The following RALGAPA2 variants were observed in gnomAD, a reference collection of about 807,000 sequenced individuals.
RALGAPA2 encodes the protein ral GTPase-activating protein subunit alpha-2.
A neutral mutation model predicts 230.4 loss-of-function variants in RALGAPA2; 139 were observed. That is an observed-to-expected ratio of 0.60 (90% CI 0.53 to 0.69). The LOEUF (loss-of-function observed/expected upper bound fraction) is 0.69, where lower values mean the gene tolerates loss of function less well. Ranked by LOEUF, RALGAPA2 falls within the 30% of genes least tolerant of loss-of-function variation. The pLI, the probability that RALGAPA2 is intolerant of heterozygous loss-of-function variation, is 0.00. For synonymous variants in RALGAPA2, 847 were observed against 837.8 expected (o/e 1.01, Z -0.19); for missense variants, 2,163 against 2,276.0 (o/e 0.95, Z 1.01).
intron 13 of RALGAPA2, among the ~76,000 whole-genome samples, chr20:20,615,737 T>C (rs79265629): frequency 0.048 from 7,360 of 152,188 alleles, 232 homozygotes; most frequent in East Asian, 0.12. Context: ...CCTGAGCTTA[T>C]GGTGAGTATT....
Position 20,640,861 on chromosome 20 carries a change from G to A in RALGAPA2, c.390C>T (p.Ile130=). The stretch of plus-strand genomic sequence containing the variant: ...CTTGAAGCCACAGAAGAAACAGCCT[G>A]ATTCCTTCACATCTTATCTAAAACA... ...GNSIKIRCEG[I]RLFLLWLQAL... is the part of the protein sequence containing the mutation. The change falls in exon 6 of 40, where the codon ATC becomes ATT. Residue 130 remains isoleucine, a synonymous_variant. Transcript: ENST00000202677. 6.2e-7 allele frequency: 1 copy of A among 1,612,100 alleles called. No homozygotes were observed. The highest frequency in any genetic ancestry group is 8.5e-7 in the Non-Finnish European group (1 of 1,178,664).
intron 35 of RALGAPA2, among the ~76,000 whole-genome samples, chr20:20,497,210 T>C (rs1476299807): frequency 6.6e-6 from 1 of 152,230 alleles, no homozygotes; most frequent in Non-Finnish European, 1.5e-5. Context: ...TGCTACAGCT[T>C]TTTTCTTTTT....
At chr20:20,417,343 A>G (rs1293377603) in intron 37 of RALGAPA2, among the ~76,000 whole-genome samples, 1 of 152,264 alleles carries the variant, frequency 6.6e-6, no homozygotes, top group Non-Finnish European at 1.5e-5. Context: ...CCACAGGTCC[A>G]AAATCAAGAC....
chr20:20,390,429 T>C lies in RALGAPA2; in HGVS notation c.*2860A>G, dbSNP rs1383060349. On this transcript the variant is annotated 3_prime_UTR_variant, in exon 40 of 40. Coordinates refer to ENST00000202677, the MANE Select transcript of RALGAPA2 (RefSeq NM_020343.4). ...CGAAAGCCTAAGTACAATGAGACGA[T>C]AAACATCAGCTTTGCTCTGGATGGA... The C allele has an allele frequency of 2.0e-5, 3 of 152,238 alleles. No individual in the cohort carries two copies. Among genetic ancestry groups the C allele is most frequent in the Admixed American group, 2.0e-4 (3 of 15,284 alleles). The allele number at this position is 152,238 out of a possible 1,614,324, so 9.4% of individuals were successfully genotyped here. A position where few individuals can be genotyped will look rare whatever the true frequency, so the allele number is the denominator to read the frequency against.
In RALGAPA2 at chr20:20,458,521, T is replaced by A. The variant is rs1032166239; in HGVS notation, c.5495+14308A>T. Among the ~76,000 whole-genome samples the A allele has an allele frequency of 5.9e-4, 80 of 136,708 alleles. 1 individual carries two copies. The highest frequency in any genetic ancestry group is 6.4e-4 in the Non-Finnish European group (41 of 64,566). The allele number at this position is 136,708 out of a possible 152,430, so 89.7% of individuals were successfully genotyped here. On this transcript the variant is annotated intron_variant, in intron 37 of 39. Transcript: ENST00000202677. ...ATATTATATATAATATATATGTATT[T>A]TATATATATTATATATAATATATAT...
intron 36 of RALGAPA2, among the ~76,000 whole-genome samples, chr20:20,486,779 T>C (rs2061923553): frequency 6.6e-6 from 1 of 152,232 alleles, no homozygotes; most frequent in African/African-American, 2.4e-5. Context: ...TTTTCTCCCC[T>C]CTGCATTCCA....
intron 23 of RALGAPA2, 109 bp downstream of exon 23, chr20:20,571,349 G>C (rs1201930647): frequency 1.6e-6 from 2 of 1,223,156 alleles, no homozygotes; most frequent in African/African-American, 1.5e-5. Context: ...TGAAACTACT[G>C]AGAAATTCAA....
intron 17 of RALGAPA2, 43 bp from the exon 18 acceptor site, chr20:20,589,408 G>A: frequency 4.6e-6 from 7 of 1,517,382 alleles, no homozygotes; most frequent in Non-Finnish European, 6.2e-6. Flanking sequence ...TAGAAGGAAT[G>A]TTTCAGATAG....
intron 37 of RALGAPA2, among the ~76,000 whole-genome samples, chr20:20,448,007 T>C (rs185852357): frequency 1.3e-5 from 2 of 152,342 alleles, no homozygotes; most frequent in East Asian, 3.9e-4. Context: ...TCATGGAACA[T>C]GGGGTACTTA....
At chr20:20,582,983 C>T in intron 20 of RALGAPA2, 67 bp downstream of exon 20, 1 of 1,517,284 alleles carries the variant, frequency 6.6e-7, no homozygotes, top group South Asian at 1.3e-5. Flanking sequence ...GTATACAAGA[C>T]TCCAATGATT....
chr20:20,686,593 T>C (rs1022429970), intron 1 of RALGAPA2, among the ~76,000 whole-genome samples: 2 of 151,144 alleles, frequency 1.3e-5, no homozygotes, highest in African/African-American at 2.4e-5. Flanking sequence ...GCTGTGATGA[T>C]AAAATGAGCA....
intron 37 of RALGAPA2, among the ~76,000 whole-genome samples, chr20:20,464,166 C>G (rs1055322923): frequency 6.6e-6 from 1 of 152,144 alleles, no homozygotes; most frequent in Non-Finnish European, 1.5e-5. Context: ...AATTGAGATG[C>G]AAATTAATCT....
At chr20:20,419,492 T>C (rs928071) in intron 37 of RALGAPA2, among the ~76,000 whole-genome samples, 100,577 of 151,924 alleles carry the variant, frequency 0.66, 33,441 homozygotes, top group African/African-American at 0.74. Flanking sequence ...GGATTTCATT[T>C]CAGAAATAGA....
At chr20:20,609,950 C>T (rs1432266952) in intron 14 of RALGAPA2, among the ~76,000 whole-genome samples, 3 of 152,204 alleles carry the variant, frequency 2.0e-5, no homozygotes, top group Non-Finnish European at 4.4e-5. Flanking sequence ...CCAATTATTT[C>T]AATAGCCTCT....
chr20:20,707,551 C>CT (rs1218800055), intron 1 of RALGAPA2, among the ~76,000 whole-genome samples: 1 of 152,164 alleles, frequency 6.6e-6, no homozygotes, highest in Non-Finnish European at 1.5e-5. Flanking sequence ...AAAATAAAGA[C>CT]AACAGTTACA....
intron 20 of RALGAPA2, among the ~76,000 whole-genome samples, chr20:20,577,872 T>C (rs1162454017): frequency 1.3e-5 from 2 of 152,182 alleles, no homozygotes; most frequent in South Asian, 2.1e-4. Flanking sequence ...AATGTAGCTA[T>C]CCAAAACAGA....
chr20:20,706,683 G>A (rs1381158438), intron 1 of RALGAPA2, among the ~76,000 whole-genome samples: 1 of 152,132 alleles, frequency 6.6e-6, no homozygotes, highest in Admixed American at 6.5e-5. Flanking sequence ...ATTTCTGGGA[G>A]GCATGCAAAA....
At chr20:20,418,365 G>A (rs1363038289) in intron 37 of RALGAPA2, among the ~76,000 whole-genome samples, 1 of 152,124 alleles carries the variant, frequency 6.6e-6, no homozygotes, top group Non-Finnish European at 1.5e-5. Context: ...ACAGGACATG[G>A]GTCACAGGAG....
intron 35 of RALGAPA2, among the ~76,000 whole-genome samples, chr20:20,498,950 A>G (rs1297598185): frequency 2.0e-5 from 3 of 152,262 alleles, no homozygotes; most frequent in South Asian, 2.1e-4. Flanking sequence ...GCTAGAGCTA[A>G]CAAATTTCTG....
Sources: gnomAD v4.1 joint callset for allele counts (sites outside exome capture counted in the v4.1 genomes callset) on GRCh38, gnomAD v4.1.1 for gene constraint, MANE v1.5 for transcripts, NCBI Gene and HGNC (gene_info 2026-07-23, HGNC 2026-07-21) for gene names.